DAB1: variants seen among roughly 807,000 people sequenced by gnomAD.
DAB1 encodes the protein disabled homolog 1.
Under a neutral mutation model 64.6 loss-of-function variants are expected in DAB1, and 15 were observed. That is an observed-to-expected ratio of 0.23 (90% CI 0.16 to 0.36). DAB1 has a LOEUF of 0.36. Among genes scored for constraint, DAB1 ranks in the 10% least tolerant of loss-of-function variants. The probability of loss-of-function intolerance (pLI) is 1.00; values close to 1 mark genes in which losing one functional copy is unlikely to be tolerated. For synonymous variants in DAB1, 235 were observed against 251.9 expected, an observed-to-expected ratio of 0.93 and a Z score of 0.64; for missense variants, 596 against 706.7, an observed-to-expected ratio of 0.84 and a Z score of 1.78.
intron 5 of DAB1, among the ~76,000 whole-genome samples, chr1:57,918,818 C>T (rs1197574210): frequency 4.0e-5 from 6 of 151,282 alleles, no homozygotes; most frequent in Non-Finnish European, 5.9e-5. Flanking sequence ...AGCGAGACTC[C>T]GTCTCAAAAA....
chr1:57,951,333 C>CA (rs1645275205), intron 5 of DAB1, among the ~76,000 whole-genome samples: 2 of 40,086 alleles, frequency 5.0e-5, no homozygotes, highest in Non-Finnish European at 1.4e-4. Flanking sequence ...TATATATATA[C>CA]TTCCCTGGAA....
intron 4 of DAB1, among the ~76,000 whole-genome samples, chr1:58,202,686 T>C (rs1658065460): frequency 6.6e-6 from 1 of 152,268 alleles, no homozygotes; most frequent in Non-Finnish European, 1.5e-5. Context: ...TAGAAATTAC[T>C]ATCATTTGTA....
chr1:58,408,543 T>C (rs1271565019), intron 3 of DAB1, among the ~76,000 whole-genome samples: 2 of 152,196 alleles, frequency 1.3e-5, no homozygotes, highest in African/African-American at 4.8e-5. Context: ...TCAAAATGTG[T>C]ATTAAGTGAT....
At chr1:58,481,133 A>AGTGGTGGTG in intron 3 of DAB1, 1 of 870,538 alleles carries the variant, frequency 1.1e-6, no homozygotes, top group South Asian at 1.3e-5. Context: ...GGTCTGGATT[A>AGTGGTGGTG]GACAGTGGTG....
chr1:57,841,923 C>T (rs1047355155), intron 1 of DAB1, among the ~76,000 whole-genome samples: 19 of 152,300 alleles, frequency 1.2e-4, no homozygotes, highest in African/African-American at 4.6e-4. Flanking sequence ...TTGAATTTCT[C>T]CCTAGAAAAT....
chr1:57,075,143 C>T (rs1445599407), intron 4 of DAB1, among the ~76,000 whole-genome samples: 1 of 152,092 alleles, frequency 6.6e-6, no homozygotes, highest in Non-Finnish European at 1.5e-5. Flanking sequence ...TTATTGATTG[C>T]CAAGTAGAAC....
intron 7 of DAB1, among the ~76,000 whole-genome samples, chr1:57,503,619 A>G (rs1440339981): frequency 6.6e-6 from 1 of 152,082 alleles, no homozygotes; most frequent in Non-Finnish European, 1.5e-5. Context: ...TCTCAACCTC[A>G]ACTCTACTCA....
At chr1:57,471,253 T>C (rs1687123871) in intron 7 of DAB1, among the ~76,000 whole-genome samples, 1 of 152,184 alleles carries the variant, frequency 6.6e-6, no homozygotes, top group Non-Finnish European at 1.5e-5. Context: ...CTATCTGAAA[T>C]GATGATGACA....
chr1:57,295,749 T>C (rs558227812), intron 1 of DAB1, among the ~76,000 whole-genome samples: 1 of 152,114 alleles, frequency 6.6e-6, no homozygotes, highest in Non-Finnish European at 1.5e-5. Flanking sequence ...GGTAAAAGGG[T>C]TATGGCAGAG....
intron 7 of DAB1, among the ~76,000 whole-genome samples, chr1:57,624,995 C>A (rs1645905143): frequency 6.6e-6 from 1 of 152,004 alleles, no homozygotes; most frequent in Non-Finnish European, 1.5e-5. Flanking sequence ...TAATTTAATG[C>A]AAATGTATTC....
intron 1 of DAB1, among the ~76,000 whole-genome samples, chr1:57,392,919 C>T (rs537164544): frequency 2.0e-5 from 3 of 152,268 alleles, no homozygotes; most frequent in African/African-American, 7.2e-5. Flanking sequence ...CCCAAAATTC[C>T]CTTAAGAGAC....
intron 8 of DAB1, among the ~76,000 whole-genome samples, chr1:57,068,680 TTGG>T (rs1459720677): frequency 6.6e-6 from 1 of 152,206 alleles, no homozygotes; most frequent in Non-Finnish European, 1.5e-5. Flanking sequence ...CACAGACACT[TTGG>T]TGGAAGACCA....
At chr1:57,603,409 C>T (rs1428182523) in intron 7 of DAB1, among the ~76,000 whole-genome samples, 1 of 152,194 alleles carries the variant, frequency 6.6e-6, no homozygotes, top group Admixed American at 6.5e-5. Context: ...CTCCCTTGAA[C>T]ACTTAAACTC....
intron 5 of DAB1, among the ~76,000 whole-genome samples, chr1:57,992,951 T>C (rs746891990): frequency 1.3e-5 from 2 of 152,054 alleles, no homozygotes; most frequent in Non-Finnish European, 2.9e-5. Flanking sequence ...CTTACATGGG[T>C]TATCTTCCTT....
At chr1:58,175,538 G>C (rs1656420347) in intron 4 of DAB1, among the ~76,000 whole-genome samples, 1 of 152,194 alleles carries the variant, frequency 6.6e-6, no homozygotes, top group South Asian at 2.1e-4. Flanking sequence ...ATTTCATTCA[G>C]TGGTTTTAAC....
At chr1:58,280,699 A>T (rs1164536190) in intron 4 of DAB1, among the ~76,000 whole-genome samples, 1 of 152,178 alleles carries the variant, frequency 6.6e-6, no homozygotes, top group Non-Finnish European at 1.5e-5. Context: ...CAGCTTTTCT[A>T]TCTGTAATAA....
At chr1:57,539,626 T>C (rs1644776741) in intron 7 of DAB1, among the ~76,000 whole-genome samples, 1 of 152,224 alleles carries the variant, frequency 6.6e-6, no homozygotes, top group Non-Finnish European at 1.5e-5. Flanking sequence ...AGCTACTTTG[T>C]AAAATTACTT....
At chr1:58,305,263 G>C (rs1418822062) in intron 4 of DAB1, among the ~76,000 whole-genome samples, 2 of 152,116 alleles carry the variant, frequency 1.3e-5, no homozygotes, top group Non-Finnish European at 1.5e-5. Context: ...TGAAATGTCT[G>C]CTGAACATAA....
chr1:57,827,333 C>T (rs752258839), intron 1 of DAB1, among the ~76,000 whole-genome samples: 26 of 152,166 alleles, frequency 1.7e-4, no homozygotes, highest in Non-Finnish European at 3.7e-4. Context: ...AAGTTAATAA[C>T]ACATGTTAGT....
Sources: gnomAD v4.1 joint callset for allele counts (sites outside exome capture counted in the v4.1 genomes callset) on GRCh38, gnomAD v4.1.1 for gene constraint, MANE v1.5 for transcripts, NCBI Gene and HGNC (gene_info 2026-07-23, HGNC 2026-07-21) for gene names.